The following C8orf34 variants were observed in gnomAD, a reference collection of about 807,000 sequenced individuals.
C8orf34 encodes the protein uncharacterized protein C8orf34.
In C8orf34, 65 loss-of-function variants were observed where a neutral mutation model predicts 68.3. That is an observed-to-expected ratio of 0.95 (90% CI 0.78 to 1.17). C8orf34 has a LOEUF of 1.17. Ranked by LOEUF, C8orf34 falls within the 50% of genes most tolerant of loss-of-function variation. The pLI is 0.00. For synonymous variants in C8orf34, 244 were observed against 241.2 expected (o/e 1.01, Z -0.11); for missense variants, 664 against 655.4 (o/e 1.01, Z -0.14).
intron 12 of C8orf34, 114 bp downstream of exon 12, chr8:68,787,650 A>C: frequency 3.1e-6 from 2 of 639,838 alleles, no homozygotes; most frequent in Non-Finnish European, 5.2e-6. Context: ...AAAAATCCAG[A>C]CTCTGTTAGG....
chr8:68,714,410 G>T (rs1821411299), intron 9 of C8orf34, among the ~76,000 whole-genome samples: 1 of 152,060 alleles, frequency 6.6e-6, no homozygotes, highest in Non-Finnish European at 1.5e-5. Flanking sequence ...CCTAGAACTG[G>T]TAAATGAATT....
rs1160845483 is a variant in C8orf34, at chr8:68,567,577, C to CTTTTTTTTTTTT, written c.1105+34452_1105+34463dup. ...TCTTTTCAAATTTTGTTTCATTTAT[C>CTTTTTTTTTTTT]TTTTTTTTTTTTTTTTTTTTTTTTT... On this transcript the variant is annotated intron_variant, in intron 7 of 13. Transcript: ENST00000518698. Among the ~76,000 whole-genome samples, 4 of 29,780 alleles carry CTTTTTTTTTTTT rather than the reference C, an allele frequency of 1.3e-4. 1 individual carries two copies. The highest frequency in any genetic ancestry group is 1.8e-4 in the Non-Finnish European group (3 of 16,684). 19.5% of individuals were successfully genotyped at this position (29,780 alleles called of 152,430 possible).
At chr8:68,381,423 C>T (rs1808024451) in intron 1 of C8orf34, among the ~76,000 whole-genome samples, 1 of 152,162 alleles carries the variant, frequency 6.6e-6, no homozygotes, top group Non-Finnish European at 1.5e-5. Context: ...ATGTTTACAA[C>T]ACACATCATT....
intron 7 of C8orf34, among the ~76,000 whole-genome samples, chr8:68,613,443 T>TCCCCCCCCCCCCCCCC (rs141908753): frequency 1.5e-5 from 2 of 130,142 alleles, no homozygotes; most frequent in African/African-American, 5.8e-5. Context: ...TCCCTCCCCC[T>TCCCCCCCCCCCCCCCC]CCCCCCACAC....
At chr8:68,506,447 C>T (rs1018982996) in intron 5 of C8orf34, among the ~76,000 whole-genome samples, 1 of 152,334 alleles carries the variant, frequency 6.6e-6, no homozygotes, top group Admixed American at 6.5e-5. Context: ...AATCATGCTG[C>T]CCCAGCCTCC....
chr8:68,348,941 A>G (rs533452660), intron 1 of C8orf34, among the ~76,000 whole-genome samples: 39 of 151,996 alleles, frequency 2.6e-4, no homozygotes, highest in African/African-American at 9.1e-4. Flanking sequence ...CTCTCTTCCT[A>G]TTTGAATGCA....
chr8:68,653,603 C>T lies in C8orf34; in HGVS notation c.1241+13092C>T, dbSNP rs189698529. Among the ~76,000 whole-genome samples the T allele has an allele frequency of 2.0e-5, 3 of 152,278 alleles. No homozygotes were observed. In the East Asian group the frequency reaches 5.8e-4, roughly 29 times the overall value. On this transcript the variant is annotated intron_variant, in intron 8 of 13. Transcript: ENST00000518698. ...CCAGCATGGCTCTGGTGAGGACTTT[C>T]TTCCAGGGTGCAGAATGCAAACTTC...
At chr8:68,466,256 G>A (rs1275796855) in intron 3 of C8orf34, among the ~76,000 whole-genome samples, 5 of 151,928 alleles carry the variant, frequency 3.3e-5, no homozygotes, top group African/African-American at 1.2e-4. Flanking sequence ...AATGAGAGAA[G>A]TGGGCTAAAG....
intron 5 of C8orf34, among the ~76,000 whole-genome samples, chr8:68,509,312 T>C (rs1243724936): frequency 1.3e-5 from 2 of 152,138 alleles, no homozygotes; most frequent in African/African-American, 4.8e-5. Flanking sequence ...ACTGGGTTAT[T>C]AGAAAGCATG....
chr8:68,348,417 T>C (rs1401506330), intron 1 of C8orf34, among the ~76,000 whole-genome samples: 1 of 152,114 alleles, frequency 6.6e-6, no homozygotes, highest in Non-Finnish European at 1.5e-5. Context: ...GCTTTGTTCT[T>C]TTTGCTTAGC....
At chr8:68,757,550 G>A (rs1447407036) in intron 10 of C8orf34, among the ~76,000 whole-genome samples, 1 of 152,112 alleles carries the variant, frequency 6.6e-6, no homozygotes, top group Non-Finnish European at 1.5e-5. Context: ...GAACCGGGGA[G>A]GCGGAAGCTG....
intron 7 of C8orf34, among the ~76,000 whole-genome samples, chr8:68,606,500 C>G (rs1817858401): frequency 6.6e-6 from 1 of 152,060 alleles, no homozygotes; most frequent in South Asian, 2.1e-4. Flanking sequence ...AATTGGCTTT[C>G]TAATAATCAG....
chr8:68,716,763 T>C (rs956450828), intron 9 of C8orf34, among the ~76,000 whole-genome samples: 2 of 151,842 alleles, frequency 1.3e-5, no homozygotes, highest in South Asian at 2.1e-4. Flanking sequence ...ACCTAGAAAC[T>C]CCATTTCTAG....
At chr8:68,496,366 G>A (rs889250194) in intron 5 of C8orf34, among the ~76,000 whole-genome samples, 1 of 152,170 alleles carries the variant, frequency 6.6e-6, no homozygotes, top group African/African-American at 2.4e-5. Context: ...GAAAATGAAA[G>A]CCCAGAGATT....
intron 7 of C8orf34, among the ~76,000 whole-genome samples, chr8:68,620,296 A>G (rs1270731603): frequency 2.6e-5 from 4 of 152,144 alleles, no homozygotes; most frequent in African/African-American, 9.7e-5. Context: ...CTCACACCAG[A>G]GGGTGTGGCA....
chr8:68,618,493 A>G (rs1434922), intron 7 of C8orf34, among the ~76,000 whole-genome samples: 44,818 of 151,780 alleles, frequency 0.3, 8,423 homozygotes, highest in African/African-American at 0.55. Flanking sequence ...GGAACCACAG[A>G]TGCACAACAC....
chr8:68,772,663 T>C (rs1823374758), intron 10 of C8orf34, among the ~76,000 whole-genome samples: 1 of 152,130 alleles, frequency 6.6e-6, no homozygotes, highest in South Asian at 2.1e-4. Context: ...CTTTTCTTTC[T>C]TTCTTCCTTC....
chr8:68,753,496 C>A (rs1332419387), intron 10 of C8orf34, among the ~76,000 whole-genome samples: 3 of 152,160 alleles, frequency 2.0e-5, no homozygotes, highest in African/African-American at 7.2e-5. Context: ...GATAGGAGAG[C>A]TTTCCATAGA....
intron 8 of C8orf34, among the ~76,000 whole-genome samples, chr8:68,655,536 C>T (rs1819486761): frequency 6.6e-6 from 1 of 151,938 alleles, no homozygotes. Flanking sequence ...GATTTTTTTC[C>T]TAGGCTAGAG....
Sources: allele counts gnomAD v4.1 joint callset (sites outside exome capture counted in the v4.1 genomes callset), GRCh38; gene constraint gnomAD v4.1.1; transcripts MANE v1.5; gene names NCBI Gene and HGNC (gene_info 2026-07-23, HGNC 2026-07-21).